The following BIRC6 variants were observed in gnomAD, a reference collection of about 807,000 sequenced individuals.
BIRC6 encodes baculoviral IAP repeat containing 6.
BIRC6 carries 98 observed loss-of-function variants against 503.3 expected under a neutral mutation model. That is an observed-to-expected ratio of 0.19 (90% CI 0.17 to 0.23). The LOEUF (loss-of-function observed/expected upper bound fraction) is 0.23. Ranked by LOEUF, BIRC6 falls within the 10% of genes least tolerant of loss-of-function variation. The pLI, the probability that BIRC6 is intolerant of heterozygous loss-of-function variation, is 1.00. For synonymous variants in BIRC6, 2,240 were observed against 2,078.7 expected, an observed-to-expected ratio of 1.08 and a Z score of -2.11; for missense variants, 5,360 against 5,806.0, an observed-to-expected ratio of 0.92 and a Z score of 2.50.
intron 56 of BIRC6, 119 bp downstream of exon 56, chr2:32,518,516 C>A: frequency 9.7e-7 from 1 of 1,031,428 alleles, no homozygotes; most frequent in East Asian, 2.5e-5. Context: ...ACTAGCACAG[C>A]CTTTATACCT....
At chr2:32,406,797 G>A (rs1252977850) in intron 9 of BIRC6, among the ~76,000 whole-genome samples, 2 of 152,094 alleles carry the variant, frequency 1.3e-5, no homozygotes, top group East Asian at 1.9e-4. Flanking sequence ...GGATAGTTAC[G>A]TTAAAGTTTT....
chr2:32,493,525 T>C lies in BIRC6; in HGVS notation c.8341-15T>C, dbSNP rs371046871. 33 of 1,590,428 alleles carry C rather than the reference T, an allele frequency of 2.1e-5. No homozygotes were observed. The highest frequency in any genetic ancestry group is 8.0e-5 in the South Asian group (7 of 87,742). ...ACCAGTAAGCAGTTTTCAGTGAATA[T>C]ACATTTCTCTTTAGGTTGGTCCTAC... On this transcript the variant is annotated splice_polypyrimidine_tract_variant and intron_variant, in intron 44 of 73. Coordinates refer to ENST00000421745, the MANE Select transcript of BIRC6 (RefSeq NM_016252.4).
At chr2:32,536,424 G>GT (rs1293670980) in intron 61 of BIRC6, among the ~76,000 whole-genome samples, 4 of 152,132 alleles carry the variant, frequency 2.6e-5, no homozygotes, top group African/African-American at 9.7e-5. Flanking sequence ...TTCTTCTAGG[G>GT]TTTTTATGGT....
At chr2:32,531,802 A>G (rs1376208875) in intron 61 of BIRC6, among the ~76,000 whole-genome samples, 4 of 152,208 alleles carry the variant, frequency 2.6e-5, no homozygotes, top group Admixed American at 2.6e-4. Context: ...TCTTGATTTC[A>G]TGGTTGTAAC....
chr2:32,469,625 A>T lies in BIRC6; in HGVS notation c.6347+11A>T, dbSNP rs1434433037. The stretch of plus-strand genomic sequence containing the variant: ...CTTTCCACAGGATAGGTAGGTCAGA[A>T]AATGTTGGAGGTATTTGTTATTAAT... On this transcript the variant is annotated intron_variant, in intron 30 of 73. Coordinates refer to ENST00000421745, the MANE Select transcript of BIRC6 (RefSeq NM_016252.4). 6.3e-7 allele frequency: 1 copy of T among 1,590,122 alleles called. No homozygotes were observed.
At chr2:32,523,673 A>C (rs1021235439) in intron 57 of BIRC6, 2 of 152,240 alleles carry the variant, frequency 1.3e-5, no homozygotes, top group Non-Finnish European at 2.9e-5. Context: ...AATGAGAGTT[A>C]TTACAAAAGA....
chr2:32,600,031 G>A lies in BIRC6; in HGVS notation c.13992+131G>A, dbSNP rs114695942. 18 of 804,614 alleles carry A rather than the reference G, an allele frequency of 2.2e-5. No homozygotes were observed. The Admixed American group carries it at 3.4e-4, about 15-fold the overall frequency. 49.8% of individuals were successfully genotyped at this position (804,614 alleles called of 1,614,324 possible). ...GTTTCTTTGTACTTCTCTTCCCTAC[G>A]TCCAGATTAGCTTAAGCAATAGAAG... On this transcript the variant is annotated intron_variant, in intron 70 of 73. Coordinates refer to ENST00000421745, the MANE Select transcript of BIRC6 (RefSeq NM_016252.4).
At chr2:32,596,800 A>T (rs1005187273) in intron 68 of BIRC6, among the ~76,000 whole-genome samples, 4 of 152,220 alleles carry the variant, frequency 2.6e-5, no homozygotes, top group Admixed American at 1.3e-4. Flanking sequence ...GTCATATTTC[A>T]TATCTACAAA....
intron 71 of BIRC6, among the ~76,000 whole-genome samples, chr2:32,606,846 A>C: frequency 6.6e-6 from 1 of 152,014 alleles, no homozygotes. Context: ...TCTCTACTAA[A>C]AAATACAGAA....
At chr2:32,360,003 T>A (rs913504362) in intron 1 of BIRC6, among the ~76,000 whole-genome samples, 10 of 152,222 alleles carry the variant, frequency 6.6e-5, no homozygotes, top group Admixed American at 2.0e-4. Context: ...TTGCTTTTAA[T>A]GATTAATAGA....
chr2:32,592,055 C>T (rs2061412891), intron 66 of BIRC6, among the ~76,000 whole-genome samples: 1 of 152,192 alleles, frequency 6.6e-6, no homozygotes, highest in East Asian at 1.9e-4. Flanking sequence ...GTAAAAGACA[C>T]AGTATAGTAG....
chr2:32,599,992 C>CT lies in BIRC6; in HGVS notation c.13992+93dup, dbSNP rs558363272. 61 of 1,214,992 alleles carry CT rather than the reference C, an allele frequency of 5.0e-5. No homozygotes were observed. The Admixed American group carries it at 5.5e-4, about 11-fold the overall frequency. 75.3% of individuals were successfully genotyped at this position (1,214,992 alleles called of 1,614,324 possible). ...AGAAAAATTTTGTTTTAGTTATCTG[C>CT]TAAGAGGGCATGGGTTTCTTTGTAC... On this transcript the variant is annotated intron_variant, in intron 70 of 73. Transcript: ENST00000421745.
In BIRC6 at chr2:32,499,656, A is replaced by T; in HGVS notation, c.8578A>T (p.Ile2860Leu). Residue 2860 changes from isoleucine (I) to leucine (L), a missense_variant, in exon 46 of 74, where the codon ATA becomes TTA. Coordinates refer to ENST00000421745, the MANE Select transcript of BIRC6 (RefSeq NM_016252.4). ...TTCAGTTAGTACTATTTCTGCCGTG[A>T]TAGAATCGGTTACATTTTTAGTGCA... ...VVSVSTISAV[I>L]ESVTFLVHHY... is the part of the protein sequence containing the mutation. 4 of 1,613,924 alleles carry T rather than the reference A, an allele frequency of 2.5e-6. No individual in the cohort carries two copies. Among genetic ancestry groups the T allele is most frequent in the East Asian group, 2.2e-5 (1 of 44,880 alleles).
In BIRC6 at chr2:32,468,128, A is replaced by C; in HGVS notation, c.5780+17A>C. The C allele has an allele frequency of 1.2e-6, 2 of 1,606,854 alleles. No homozygotes were observed. Among genetic ancestry groups the C allele is most frequent in the Non-Finnish European group, 1.7e-6 (2 of 1,174,742 alleles). On this transcript the variant is annotated intron_variant, in intron 28 of 73. Transcript: ENST00000421745. ...ACAGTGCAGGTTAGTACAGAGTGCAAATTTTAATGTTATTGAAACTTTGTA... is the reference window on the plus strand; with the variant it reads ...ACAGTGCAGGTTAGTACAGAGTGCACATTTTAATGTTATTGAAACTTTGTA...
At chr2:32,439,368 T>C (rs569630239) in intron 15 of BIRC6, 140 bp from the exon 16 acceptor site, 19 of 801,442 alleles carry the variant, frequency 2.4e-5, no homozygotes, top group Admixed American at 1.3e-4. Flanking sequence ...AACTTTCTTC[T>C]GCTCAAACAG....
At chr2:32,447,246 C>G in intron 21 of BIRC6, among the ~76,000 whole-genome samples, 2 of 147,754 alleles carry the variant, frequency 1.4e-5, no homozygotes, top group South Asian at 4.4e-4. Flanking sequence ...TCATCATGGC[C>G]CATCCCCAAT....
chr2:32,417,428 G>A (rs1162658742), intron 10 of BIRC6, among the ~76,000 whole-genome samples: 1 of 152,076 alleles, frequency 6.6e-6, no homozygotes, highest in Non-Finnish European at 1.5e-5. Flanking sequence ...ACAGGCGTGT[G>A]GCATTGTGCC....
chr2:32,540,991 G>A (rs1572903137), intron 61 of BIRC6, among the ~76,000 whole-genome samples: 1 of 151,830 alleles, frequency 6.6e-6, no homozygotes, highest in Admixed American at 6.6e-5. Flanking sequence ...TGAAGTTGAG[G>A]GTCTTTCACT....
At position 32,545,757 on chromosome 2, in the gene BIRC6, G is replaced by A. The variant is rs755466134; in HGVS notation, c.12707G>A (p.Arg4236Gln). The change falls in exon 63 of 74, where the codon CGG (arginine) becomes CAG (glutamine). Residue 4236 changes from arginine (R) to glutamine (Q), a missense_variant. Around this residue, in one of 16 missense-constraint regions of BIRC6, gnomAD observed 477 missense variants for 574.4 expected, o/e 0.83. Transcript: ENST00000421745. ...LTTDDGVLLR[R>Q]MALEIGALHL... Reference sequence around the variant, plus strand: ...ACTGATGATGGTGTACTTCTAAGGCGGATGGCATTGGAAATTGGAGCCTTA... The same window carrying A: ...ACTGATGATGGTGTACTTCTAAGGCAGATGGCATTGGAAATTGGAGCCTTA... The A allele has an allele frequency of 6.2e-6, 10 of 1,613,806 alleles. No homozygotes were observed. Among genetic ancestry groups the A allele is most frequent in the South Asian group, 1.1e-5 (1 of 91,072 alleles).
Sources: allele counts gnomAD v4.1 joint callset (sites outside exome capture counted in the v4.1 genomes callset), GRCh38; gene constraint gnomAD v4.1.1; regional missense constraint gnomAD v4.1.1; transcripts MANE v1.5; gene names NCBI Gene and HGNC (gene_info 2026-07-23, HGNC 2026-07-21).